The following RANBP17 variants were observed in gnomAD, a reference collection of about 807,000 sequenced individuals.
RANBP17 encodes RAN binding protein 17.
Under a neutral mutation model 141.2 loss-of-function variants are expected in RANBP17, and 158 were observed. That is an observed-to-expected ratio of 1.12 (90% CI 0.98 to 1.28). The LOEUF is 1.28. Among genes scored for constraint, RANBP17 ranks in the 50% most tolerant of loss-of-function variants. The probability of loss-of-function intolerance (pLI) is 0.00; values close to 1 mark genes in which losing one functional copy is unlikely to be tolerated. For missense variants in RANBP17, 1,438 were observed against 1,290.7 expected, an observed-to-expected ratio of 1.11 and a Z score of -1.75; for synonymous variants, 430 against 450.0, an observed-to-expected ratio of 0.96 and a Z score of 0.56.
chr5:171,263,987 A>G (rs1042405430), intron 24 of RANBP17, among the ~76,000 whole-genome samples: 1 of 152,152 alleles, frequency 6.6e-6, no homozygotes, highest in Admixed American at 6.5e-5. Context: ...ACTTGAGCTC[A>G]GGAGGTCAAG....
intron 7 of RANBP17, among the ~76,000 whole-genome samples, chr5:170,913,788 T>C (rs1248166370): frequency 6.6e-6 from 1 of 152,020 alleles, no homozygotes; most frequent in Non-Finnish European, 1.5e-5. Flanking sequence ...TATAGCTAAG[T>C]TGAAAAGCAG....
At chr5:171,049,749 T>C (rs1561592049) in intron 14 of RANBP17, among the ~76,000 whole-genome samples, 2 of 152,240 alleles carry the variant, frequency 1.3e-5, no homozygotes, top group African/African-American at 4.8e-5. Context: ...TGCTTGTTTT[T>C]GTTCACTTTG....
At chr5:170,879,043 G>A (rs1169881702) in intron 2 of RANBP17, among the ~76,000 whole-genome samples, 1 of 151,968 alleles carries the variant, frequency 6.6e-6, no homozygotes, top group Non-Finnish European at 1.5e-5. Flanking sequence ...CTGTTTTTGG[G>A]CGGATAACAT....
At chr5:171,228,525 C>A (rs897773810) in intron 22 of RANBP17, among the ~76,000 whole-genome samples, 7 of 152,256 alleles carry the variant, frequency 4.6e-5, no homozygotes, top group African/African-American at 1.4e-4. Context: ...TATGACATAA[C>A]CTTAGTTGAT....
At chr5:171,194,451 A>T (rs1761843497) in intron 18 of RANBP17, among the ~76,000 whole-genome samples, 1 of 152,194 alleles carries the variant, frequency 6.6e-6, no homozygotes, top group African/African-American at 2.4e-5. Context: ...ATATAAATGG[A>T]ATCATACAAT....
intron 14 of RANBP17, among the ~76,000 whole-genome samples, chr5:170,978,553 ATTTATGATGATTTTAC>A (rs1777548784): frequency 6.6e-6 from 1 of 152,204 alleles, no homozygotes; most frequent in South Asian, 2.1e-4. Context: ...ATTTGGATGA[ATTTATGATGATTTTAC>A]AATAATCACT....
intron 14 of RANBP17, among the ~76,000 whole-genome samples, chr5:171,129,476 T>A (rs1756744569): frequency 6.6e-6 from 1 of 152,134 alleles, no homozygotes; most frequent in Non-Finnish European, 1.5e-5. Context: ...CACCACTCGC[T>A]TCAATCTGGC....
rs576431211 is a variant in RANBP17, at chr5:170,968,607, A to G, written c.1710+230A>G. On this transcript the variant is annotated intron_variant, in intron 14 of 27. Transcript: ENST00000523189. ...GAGGTAATGAATATGTTTTACATGG[A>G]TGGTCATTAAACAGTTGAGATTATT... The G allele has an allele frequency of 9.9e-5, 57 of 578,084 alleles. 1 individual carries two copies. Among genetic ancestry groups the G allele is most frequent in the Admixed American group, 2.7e-4 (12 of 43,714 alleles). The allele number at this position is 578,084 out of a possible 1,614,324, so 35.8% of individuals were successfully genotyped here.
intron 14 of RANBP17, among the ~76,000 whole-genome samples, chr5:170,996,695 T>C (rs1041532677): frequency 6.6e-6 from 1 of 152,218 alleles, no homozygotes; most frequent in African/African-American, 2.4e-5. Context: ...ATAAAAAATG[T>C]ATCTTAGGTT....
Position 170,918,830 on chromosome 5 carries a change from A to T in RANBP17, c.1072A>T (p.Ile358Phe). The T allele has an allele frequency of 6.3e-7, 1 of 1,583,564 alleles. No homozygotes were observed. Among genetic ancestry groups the T allele is most frequent in the East Asian group, 2.3e-5 (1 of 43,228 alleles). The change falls in exon 10 of 28, where the codon ATT (isoleucine) becomes TTT (phenylalanine). Residue 358 changes from isoleucine (I) to phenylalanine (F), a missense_variant. Physicochemically the swap from Ile to Phe is conservative, Grantham distance 21. Transcript: ENST00000523189. ...GGAATATCCTGAAGTTATTAGATTGATTGCTAATTTTACCATTACTAGCCT... is the reference window on the plus strand; with the variant it reads ...GGAATATCCTGAAGTTATTAGATTGTTTGCTAATTTTACCATTACTAGCCT... ...VKEYPEVIRL[I>F]ANFTITSLQH...
At chr5:171,288,025 A>G (rs1768275091) in intron 25 of RANBP17, among the ~76,000 whole-genome samples, 1 of 152,170 alleles carries the variant, frequency 6.6e-6, no homozygotes, top group African/African-American at 2.4e-5. Flanking sequence ...AATTGGCTTA[A>G]TTTACTAATG....
chr5:170,901,178 T>A (rs981227237), intron 5 of RANBP17, among the ~76,000 whole-genome samples: 7 of 152,252 alleles, frequency 4.6e-5, no homozygotes, highest in African/African-American at 1.7e-4. Context: ...ACTTGCTTTA[T>A]GAATCTGGGT....
chr5:171,112,580 A>G (rs548549698), intron 14 of RANBP17, among the ~76,000 whole-genome samples: 1 of 152,184 alleles, frequency 6.6e-6, no homozygotes, highest in East Asian at 1.9e-4. Context: ...AGACTCATGA[A>G]AAAGGAAACA....
At position 170,892,453 on chromosome 5, in the gene RANBP17, T is replaced by C. The variant is rs570828025; in HGVS notation, c.323T>C (p.Ile108Thr). ...GCTCCCTTTGTCATCCAAGCTCTTATTCAAGTCATTGCTAAAATCACTAAG... is the reference window on the plus strand; with the variant it reads ...GCTCCCTTTGTCATCCAAGCTCTTACTCAAGTCATTGCTAAAATCACTAAG... ...KLAPFVIQALIQVIAKITKLG... is the reference protein window; with the variant it reads ...KLAPFVIQALTQVIAKITKLG... Residue 108 changes from isoleucine (I) to threonine (T), a missense_variant, in exon 4 of 28, where the codon ATT becomes ACT. Physicochemically the swap from Ile to Thr is moderately conservative, Grantham distance 89. Transcript: ENST00000523189. 12 of 1,614,080 alleles carry C rather than the reference T, an allele frequency of 7.4e-6. No individual in the cohort carries two copies. In the East Asian group the frequency reaches 1.6e-4, roughly 21 times the overall value.
intron 25 of RANBP17, chr5:171,284,694 A>G (rs1208006835): frequency 6.6e-6 from 1 of 152,198 alleles, no homozygotes; most frequent in Non-Finnish European, 1.5e-5. Context: ...GCTTCTTAGA[A>G]GTATTTCACT....
At chr5:171,184,410 C>T (rs1273924254) in intron 18 of RANBP17, among the ~76,000 whole-genome samples, 2 of 152,210 alleles carry the variant, frequency 1.3e-5, no homozygotes, top group African/African-American at 4.8e-5. Context: ...TGATATCACT[C>T]ATATGTGAAA....
chr5:170,898,904 G>A (rs1231846226), intron 5 of RANBP17, among the ~76,000 whole-genome samples: 1 of 152,180 alleles, frequency 6.6e-6, no homozygotes, highest in Non-Finnish European at 1.5e-5. Context: ...CCAGTACCAT[G>A]CTGGTTTGGT....
intron 2 of RANBP17, among the ~76,000 whole-genome samples, chr5:170,878,917 A>G (rs1451182520): frequency 2.0e-5 from 3 of 152,202 alleles, no homozygotes; most frequent in Non-Finnish European, 2.9e-5. Context: ...TTTTGTAAGA[A>G]CATCTATAGA....
At chr5:171,038,084 A>G (rs1328095349) in intron 14 of RANBP17, among the ~76,000 whole-genome samples, 1 of 151,524 alleles carries the variant, frequency 6.6e-6, no homozygotes, top group African/African-American at 2.4e-5. Context: ...TGTTTGTGTC[A>G]TCTGATTTCT....
Sources: allele counts gnomAD v4.1 joint callset (sites outside exome capture counted in the v4.1 genomes callset), GRCh38; gene constraint gnomAD v4.1.1; transcripts MANE v1.5; gene names NCBI Gene and HGNC (gene_info 2026-07-23, HGNC 2026-07-21).